PCDHA3: variants seen among roughly 807,000 people sequenced by gnomAD.
The protein encoded by PCDHA3 is protocadherin alpha 3, also known as protocadherin alpha-3.
In PCDHA3, 41 loss-of-function variants were observed where a neutral mutation model predicts 62.2. That is an observed-to-expected ratio of 0.66 (90% CI 0.51 to 0.86). The LOEUF (loss-of-function observed/expected upper bound fraction) is 0.86. Ranked by LOEUF, PCDHA3 falls within the 40% of genes least tolerant of loss-of-function variation. The pLI is 0.00. For synonymous variants in PCDHA3, 640 were observed against 555.4 expected (o/e 1.15, Z -2.14); for missense variants, 1,304 against 1,241.2 (o/e 1.05, Z -0.76).
intron 1 of PCDHA3, among the ~76,000 whole-genome samples, chr5:140,951,082 C>CT (rs573059224): frequency 1.2e-3 from 178 of 151,520 alleles, no homozygotes; most frequent in African/African-American, 4.1e-3. Context: ...TTATATTTTC[C>CT]TTTTTTTCTG....
At chr5:140,808,669 G>A (rs138044837) in intron 1 of PCDHA3, 1 of 1,612,884 alleles carries the variant, frequency 6.2e-7, no homozygotes. Flanking sequence ...CCTACTCGCT[G>A]GTAGAGCGGC....
chr5:140,953,961 G>C lies in PCDHA3; in HGVS notation c.2395-24988G>C, dbSNP rs140078691. ...CCCATTGCTCCCCCAACAGGCCCCA[G>C]TGTGTGTTGTTCCCCTTCATATTTT... On this transcript the variant is annotated intron_variant, in intron 1 of 3. Coordinates refer to ENST00000522353, the MANE Select transcript of PCDHA3 (RefSeq NM_018906.3). 1.0e-3 allele frequency among the ~76,000 whole-genome samples: 152 copies of C among 152,128 alleles called. 3 individuals are homozygous for C. In the East Asian group the frequency reaches 0.026, roughly 26 times the overall value.
chr5:140,824,360 A>G, intron 1 of PCDHA3: 1 of 580,340 alleles, frequency 1.7e-6, no homozygotes. Flanking sequence ...ATTTTATATT[A>G]GCATTTGAAT....
intron 1 of PCDHA3, chr5:140,830,429 C>T (rs2150186384): frequency 6.2e-7 from 1 of 1,613,784 alleles, no homozygotes; most frequent in African/African-American, 1.3e-5. Flanking sequence ...TTCACCTTGT[C>T]CTATTATGAT....
At chr5:140,911,845 A>G (rs1184698013) in intron 1 of PCDHA3, among the ~76,000 whole-genome samples, 2 of 152,216 alleles carry the variant, frequency 1.3e-5, no homozygotes, top group Non-Finnish European at 2.9e-5. Context: ...AAAGAACTCC[A>G]TCCTTAATAG....
intron 3 of PCDHA3, among the ~76,000 whole-genome samples, chr5:140,990,310 C>A (rs1371432693): frequency 3.9e-5 from 6 of 152,110 alleles, no homozygotes; most frequent in African/African-American, 1.2e-4. Context: ...CTGTAAAAAA[C>A]CAACCAAACA....
At chr5:140,944,197 T>C (rs1404957342) in intron 1 of PCDHA3, among the ~76,000 whole-genome samples, 2 of 152,120 alleles carry the variant, frequency 1.3e-5, no homozygotes, top group Non-Finnish European at 2.9e-5. Context: ...TTTTGTTTTG[T>C]TTTGTTTTTA....
chr5:140,882,153 A>C (rs1197738298), intron 1 of PCDHA3: 8 of 1,505,202 alleles, frequency 5.3e-6, no homozygotes, highest in Non-Finnish European at 7.1e-6. Flanking sequence ...CAGAAAGCGG[A>C]ATACCTCTTG....
chr5:141,009,707 A>C lies in PCDHA3; in HGVS notation c.2623A>C (p.Asn875His). 6.2e-7 allele frequency: 1 copy of C among 1,614,144 alleles called. No individual in the cohort carries two copies. Among genetic ancestry groups the C allele is most frequent in the African/African-American group, 1.3e-5 (1 of 75,024 alleles). The change falls in exon 4 of 4, where the codon AAC becomes CAC. Residue 875 changes from asparagine (N) to histidine (H), a missense_variant. By Grantham distance (68) the Asn-to-His change is moderately conservative. Transcript: ENST00000522353. ...CTGGACCTTTAAATACGGACCAGGC[A>C]ACCCCAAACAATCCGGTCCCGGTGA... is the stretch of plus-strand genomic sequence containing the variant. ...NSWTFKYGPG[N>H]PKQSGPGELP...
intron 1 of PCDHA3, among the ~76,000 whole-genome samples, chr5:140,971,957 AC>A (rs1360214556): frequency 6.6e-6 from 1 of 152,060 alleles, no homozygotes; most frequent in Non-Finnish European, 1.5e-5. Flanking sequence ...GACTCCAAAA[AC>A]TTTTTTTCAA....
intron 1 of PCDHA3, chr5:140,927,019 T>C: frequency 6.2e-7 from 1 of 1,612,660 alleles, no homozygotes; most frequent in Non-Finnish European, 8.5e-7. Flanking sequence ...CTCCGCGGAC[T>C]TGAGGCTGCC....
At chr5:140,858,241 G>T in intron 1 of PCDHA3, 1 of 1,596,686 alleles carries the variant, frequency 6.3e-7, no homozygotes, top group Non-Finnish European at 8.6e-7. Context: ...GCGCATGTGG[G>T]CCGGTGAAGC....
At chr5:140,973,870 T>A (rs2153801427) in intron 1 of PCDHA3, among the ~76,000 whole-genome samples, 1 of 152,264 alleles carries the variant, frequency 6.6e-6, no homozygotes. Flanking sequence ...CAATGAGAGG[T>A]CAGAATAATG....
chr5:140,881,218 T>G (rs997488208), intron 1 of PCDHA3: 10 of 230,756 alleles, frequency 4.3e-5, no homozygotes, highest in Non-Finnish European at 6.4e-5. Flanking sequence ...TGTTGTTTCT[T>G]GGAAAATTAA....
At chr5:140,973,089 T>G (rs534319830) in intron 1 of PCDHA3, among the ~76,000 whole-genome samples, 2 of 152,308 alleles carry the variant, frequency 1.3e-5, no homozygotes, top group East Asian at 3.9e-4. Flanking sequence ...TGGCACAACA[T>G]GTAGAAATTA....
rs1382247797 is a variant in PCDHA3 at position 141,012,282 on chromosome 5, C to T, written c.*2345C>T. 2.6e-5 allele frequency: 4 copies of T among 153,718 alleles called. No individual in the cohort carries two copies. Among genetic ancestry groups the T allele is most frequent in the Non-Finnish European group, 4.4e-5 (3 of 68,036 alleles). 9.5% of individuals were successfully genotyped at this position (153,718 alleles called of 1,614,324 possible). Reference sequence around the variant, plus strand: ...AAGGATAAAACACGTCATGTGGATTCATTTTGAATTGGTGCTATTGGTATT... The same window carrying T: ...AAGGATAAAACACGTCATGTGGATTTATTTTGAATTGGTGCTATTGGTATT... On this transcript the variant is annotated 3_prime_UTR_variant, in exon 4 of 4. Coordinates refer to ENST00000522353, the MANE Select transcript of PCDHA3 (RefSeq NM_018906.3).
At chr5:140,906,966 G>A (rs1401949243) in intron 1 of PCDHA3, among the ~76,000 whole-genome samples, 5 of 152,120 alleles carry the variant, frequency 3.3e-5, no homozygotes, top group African/African-American at 1.2e-4. Context: ...TGGAATCGTG[G>A]TTGTGTCTTC....
chr5:140,869,722 G>A, intron 1 of PCDHA3: 2 of 1,613,324 alleles, frequency 1.2e-6, no homozygotes, highest in Non-Finnish European at 1.7e-6. Flanking sequence ...GAAAACTCCG[G>A]AACTTAATTT....
intron 1 of PCDHA3, chr5:140,883,247 A>C: frequency 6.2e-7 from 1 of 1,614,084 alleles, no homozygotes; most frequent in Non-Finnish European, 8.5e-7. Context: ...TGACAAAGGA[A>C]ATATTCCAAT....
Sources: gnomAD v4.1 joint callset for allele counts (sites outside exome capture counted in the v4.1 genomes callset) on GRCh38, gnomAD v4.1.1 for gene constraint, MANE v1.5 for transcripts, NCBI Gene and HGNC (gene_info 2026-07-23, HGNC 2026-07-21) for gene names.